TBCD: variants seen among roughly 807,000 people sequenced by gnomAD.
The protein encoded by TBCD is tubulin folding cofactor D.
Under a neutral mutation model 169.3 loss-of-function variants are expected in TBCD, and 105 were observed. That is an observed-to-expected ratio of 0.62 (90% CI 0.53 to 0.73). The LOEUF (loss-of-function observed/expected upper bound fraction) is 0.73, where lower values mean the gene tolerates loss of function less well. Among genes scored for constraint, TBCD ranks in the 30% least tolerant of loss-of-function variants. The probability of loss-of-function intolerance (pLI) is 0.00; values close to 1 mark genes in which losing one functional copy is unlikely to be tolerated. For synonymous variants in TBCD, 700 were observed against 643.9 expected (o/e 1.09, Z -1.32); for missense variants, 1,444 against 1,600.1 (o/e 0.90, Z 1.66).
chr17:82,853,690 C>T (rs1314468417), intron 13 of TBCD, among the ~76,000 whole-genome samples: 3 of 152,116 alleles, frequency 2.0e-5, no homozygotes, highest in Non-Finnish European at 4.4e-5. Flanking sequence ...CAGGCATGAG[C>T]CACTGTTAAT....
At chr17:82,905,825 G>A (rs1254007154) in intron 19 of TBCD, 111 bp from the exon 20 acceptor site, 2 of 736,418 alleles carry the variant, frequency 2.7e-6, no homozygotes, top group Non-Finnish European at 4.5e-6. Context: ...GGCCGTCCGT[G>A]TGTGCACGCC....
chr17:82,917,019 CTTTTCTTTTTT>C (rs963056775), intron 23 of TBCD, among the ~76,000 whole-genome samples: 3,857 of 108,526 alleles, frequency 0.036, 257 homozygotes, highest in African/African-American at 0.12. Flanking sequence ...TTTTTCTTTT[CTTTTCTTTTTT>C]TTTTTTTTGA....
At chr17:82,888,099 T>C (rs1299672216) in intron 15 of TBCD, among the ~76,000 whole-genome samples, 1 of 152,212 alleles carries the variant, frequency 6.6e-6, no homozygotes, top group Non-Finnish European at 1.5e-5. Flanking sequence ...TCTCGATCAG[T>C]TTTTTGTTTT....
At chr17:82,919,653 C>T (rs568488829) in intron 23 of TBCD, among the ~76,000 whole-genome samples, 4 of 152,162 alleles carry the variant, frequency 2.6e-5, no homozygotes, top group African/African-American at 7.2e-5. Context: ...TCGAGAGGAC[C>T]GTTTTCCTCT....
chr17:82,914,774 G>T (rs2060909743), intron 23 of TBCD, among the ~76,000 whole-genome samples: 1 of 152,348 alleles, frequency 6.6e-6, no homozygotes, highest in African/African-American at 2.4e-5. Flanking sequence ...TGTGTCCCTG[G>T]TGATCCTGAC....
chr17:82,907,244 T>G (rs1343837862), intron 20 of TBCD, among the ~76,000 whole-genome samples: 1 of 152,254 alleles, frequency 6.6e-6, no homozygotes, highest in Non-Finnish European at 1.5e-5. Context: ...GCCAGGGACC[T>G]TCCCTTGGAT....
intron 14 of TBCD, among the ~76,000 whole-genome samples, chr17:82,872,925 C>G (rs1481187372): frequency 6.9e-6 from 1 of 144,092 alleles, no homozygotes; most frequent in African/African-American, 2.8e-5. Context: ...ACCTCGTGGC[C>G]GACGGCTTCT....
intron 18 of TBCD, among the ~76,000 whole-genome samples, chr17:82,902,440 T>C (rs1198133600): frequency 6.6e-6 from 1 of 152,278 alleles, no homozygotes; most frequent in East Asian, 1.9e-4. Context: ...AGGTGCTTTG[T>C]CTTTTCTGTT....
chr17:82,816,635 G>T (rs1360323031), intron 13 of TBCD, among the ~76,000 whole-genome samples: 1 of 151,954 alleles, frequency 6.6e-6, no homozygotes, highest in African/African-American at 2.4e-5. Flanking sequence ...CCAGGACCAG[G>T]CGATCCTCTC....
At chr17:82,932,962 C>G (rs569929225) in intron 34 of TBCD, 33 of 548,746 alleles carry the variant, frequency 6.0e-5, no homozygotes, top group Non-Finnish European at 1.0e-4. Flanking sequence ...GCAGTCAGCC[C>G]CATCTGGGGC....
intron 37 of TBCD, among the ~76,000 whole-genome samples, chr17:82,940,174 G>T (rs1347928046): frequency 6.6e-6 from 1 of 150,826 alleles, no homozygotes; most frequent in East Asian, 2.0e-4. Flanking sequence ...TACACATATG[G>T]GCATGGGCAC....
In TBCD at chr17:82,833,328, C is replaced by T. The variant is rs1354759167; in HGVS notation, c.1318+18394C>T. Among the ~76,000 whole-genome samples, 1 of 152,154 alleles carries T rather than the reference C, an allele frequency of 6.6e-6. No homozygotes were observed. Among genetic ancestry groups the T allele is most frequent in the East Asian group, 1.9e-4 (1 of 5,180 alleles). On this transcript the variant is annotated intron_variant, in intron 13 of 38. Transcript: ENST00000355528. The surrounding 1 kb of genome is among the most constrained non-coding windows in gnomAD (Gnocchi z 4.7). ...CTGCTGCCTCCCCTGGGGCCGATCC[C>T]TAAGCACTCGTGGCAGTTTCTGCCC...
In TBCD at chr17:82,903,268, TGTGA is replaced by T. The variant is rs541601361; in HGVS notation, c.1731-123_1731-120del. On this transcript the variant is annotated intron_variant, in intron 18 of 38. Coordinates refer to ENST00000355528, the MANE Select transcript of TBCD (RefSeq NM_005993.5). This position sits in a 1 kb window ranked among gnomAD's most constrained non-coding sequence, Gnocchi z 4.8. Reference sequence around the variant, plus strand: ...AGTCGGAGGTTCTTGTACTGGTTCGTGTGAGTGAGTGAGTGAGCCTCTGCTAAGT... The same window carrying T: ...AGTCGGAGGTTCTTGTACTGGTTCGTGTGAGTGAGTGAGCCTCTGCTAAGT... The T allele has an allele frequency of 7.4e-5, 55 of 746,328 alleles. No individual in the cohort carries two copies. Among genetic ancestry groups the T allele is most frequent in the Non-Finnish European group, 1.1e-4 (46 of 435,326 alleles). 46.2% of individuals were successfully genotyped at this position (746,328 alleles called of 1,614,324 possible). A position where few individuals can be genotyped will look rare whatever the true frequency, so the allele number is the denominator to read the frequency against.
intron 15 of TBCD, among the ~76,000 whole-genome samples, chr17:82,888,799 C>T (rs566786048): frequency 7.9e-5 from 12 of 152,362 alleles, no homozygotes; most frequent in Non-Finnish European, 4.4e-5. Flanking sequence ...TCTCAGGAAG[C>T]CCCCAGGCGA....
chr17:82,791,244 A>G (rs1055767505), intron 7 of TBCD, among the ~76,000 whole-genome samples: 12 of 151,492 alleles, frequency 7.9e-5, no homozygotes, highest in African/African-American at 2.9e-4. Context: ...GGCACCCTCC[A>G]CCACGCCTGG....
chr17:82,929,161 T>G lies in TBCD; in HGVS notation c.2742T>G (p.Ile914Met). The change falls in exon 31 of 39, where the codon ATT (isoleucine) becomes ATG (methionine). Residue 914 changes from isoleucine (I) to methionine (M), a missense_variant. Ile to Met is a conservative substitution (Grantham distance 10, BLOSUM62 1). Coordinates refer to ENST00000355528, the MANE Select transcript of TBCD (RefSeq NM_005993.5). Reference protein sequence around the residue: ...CCVAQQASEKIDRFRAHAASV... With the variant: ...CCVAQQASEKMDRFRAHAASV... ...TGGCCCAGCAGGCCAGTGAGAAGAT[T>G]GACCGTTTCCGTGCTCACGCCGCCA... 1 of 1,613,470 alleles carries G rather than the reference T, an allele frequency of 6.2e-7. No homozygotes were observed. Among genetic ancestry groups the G allele is most frequent in the Non-Finnish European group, 8.5e-7 (1 of 1,179,886 alleles).
At chr17:82,839,649 T>C (rs1431704733) in intron 13 of TBCD, among the ~76,000 whole-genome samples, 1 of 152,260 alleles carries the variant, frequency 6.6e-6, no homozygotes, top group Non-Finnish European at 1.5e-5. Context: ...TATGAATTTG[T>C]GTTGGTTTAA....
At chr17:82,803,009 C>T (rs763586999) in intron 9 of TBCD, among the ~76,000 whole-genome samples, 2 of 152,200 alleles carry the variant, frequency 1.3e-5, no homozygotes, top group East Asian at 1.9e-4. Context: ...TTTTCTCTTC[C>T]GTCTTTCTCT....
chr17:82,905,000 A>C lies in TBCD; in HGVS notation c.1805-936A>C, dbSNP rs757715548. 4.3e-4 allele frequency among the ~76,000 whole-genome samples: 66 copies of C among 152,148 alleles called. 1 individual carries two copies. Among genetic ancestry groups the C allele is most frequent in the Non-Finnish European group, 4.9e-4 (33 of 68,010 alleles). On this transcript the variant is annotated intron_variant, in intron 19 of 38. Transcript: ENST00000355528. ...ACATCTTAGCCTCTCTGATTCTCAA[A>C]CCATCGCAAGCCTGGCAGCACTTGG...
Sources: allele counts gnomAD v4.1 joint callset (sites outside exome capture counted in the v4.1 genomes callset), GRCh38; gene constraint gnomAD v4.1.1; non-coding constraint Gnocchi (gnomAD v3.1); transcripts MANE v1.5; gene names NCBI Gene and HGNC (gene_info 2026-07-23, HGNC 2026-07-21).